Variants in MAN2A1 observed in about 807,000 individuals in gnomAD.
The protein encoded by MAN2A1 is mannosidase alpha class 2A member 1, also known as alpha-mannosidase 2.
A neutral mutation model predicts 142.6 loss-of-function variants in MAN2A1; 76 were observed. The observed-to-expected ratio is 0.53, with a 90% CI of 0.44 to 0.65. The LOEUF (loss-of-function observed/expected upper bound fraction) is 0.65, where lower values mean the gene tolerates loss of function less well. Among genes scored for constraint, MAN2A1 ranks in the 30% least tolerant of loss-of-function variants. MAN2A1 has a pLI of 0.00. For missense variants in MAN2A1, 1,311 were observed against 1,365.1 expected, an observed-to-expected ratio of 0.96 and a Z score of 0.62; for synonymous variants, 559 against 473.2, an observed-to-expected ratio of 1.18 and a Z score of -2.35.
At chr5:109,771,161 A>C (rs12656720) in intron 7 of MAN2A1, among the ~76,000 whole-genome samples, 26,658 of 152,128 alleles carry the variant, frequency 0.18, 3,281 homozygotes, top group East Asian at 0.64. Flanking sequence ...CATTAAACCA[A>C]CTTACATGTA....
Position 109,817,420 on chromosome 5 carries a change from T to A in MAN2A1, c.2091T>A (p.Ile697=). The A allele has an allele frequency of 6.2e-7, 1 of 1,614,014 alleles. No homozygotes were observed. Among genetic ancestry groups the A allele is most frequent in the Non-Finnish European group, 8.5e-7 (1 of 1,179,970 alleles). Residue 697 remains isoleucine, a synonymous_variant, in exon 13 of 22, where the codon ATT becomes ATA. Transcript: ENST00000261483. ...VSAVWDTANT[I]SETAYEISFR... The stretch of plus-strand genomic sequence containing the variant: ...CAGTTTGGGATACAGCAAATACTAT[T>A]TCAGAAACAGCCTATGAGGTATGTT...
At chr5:109,858,086 G>A (rs1205692180) in intron 20 of MAN2A1, among the ~76,000 whole-genome samples, 1 of 152,328 alleles carries the variant, frequency 6.6e-6, no homozygotes, top group East Asian at 1.9e-4. Flanking sequence ...GGAATAGAGA[G>A]CAACTTAACA....
At chr5:109,790,888 C>T (rs1364827473) in intron 12 of MAN2A1, among the ~76,000 whole-genome samples, 1 of 151,970 alleles carries the variant, frequency 6.6e-6, no homozygotes, top group Non-Finnish European at 1.5e-5. Flanking sequence ...CATAATAGGT[C>T]AGAAGAAAAG....
Position 109,820,323 on chromosome 5 carries a change from T to C in MAN2A1, c.2432T>C (p.Leu811Ser), listed in dbSNP as rs1454233379. 1.9e-6 allele frequency: 3 copies of C among 1,612,924 alleles called. No individual in the cohort carries two copies. In the African/African-American group the frequency reaches 4.0e-5, roughly 22 times the overall value. Reference sequence around the variant, plus strand: ...GACAAAAGTGGTGCCTACCTCTTCTTACCTGATGGTAATGCCAAGGTAAGT... The same window carrying C: ...GACAAAAGTGGTGCCTACCTCTTCTCACCTGATGGTAATGCCAAGGTAAGT... ...KRDKSGAYLF[L>S]PDGNAKPYVY... Residue 811 changes from leucine (L) to serine (S), a missense_variant, in exon 15 of 22, where the codon TTA (leucine) becomes TCA (serine). Leu to Ser is a moderately radical substitution (Grantham distance 145). Coordinates refer to ENST00000261483, the MANE Select transcript of MAN2A1 (RefSeq NM_002372.4).
intron 4 of MAN2A1, among the ~76,000 whole-genome samples, chr5:109,731,650 T>C (rs1346765607): frequency 6.6e-6 from 1 of 151,782 alleles, no homozygotes; most frequent in Non-Finnish European, 1.5e-5. Flanking sequence ...CTGAGAATGA[T>C]GGTTTCCAGC....
At chr5:109,865,914 A>C (rs1233797808) in intron 21 of MAN2A1, among the ~76,000 whole-genome samples, 1 of 152,230 alleles carries the variant, frequency 6.6e-6, no homozygotes, top group Admixed American at 6.5e-5. Flanking sequence ...GTACACAGGC[A>C]GGTCTGCCTC....
chr5:109,773,400 A>G (rs1486895812), intron 7 of MAN2A1, among the ~76,000 whole-genome samples: 1 of 152,092 alleles, frequency 6.6e-6, no homozygotes, highest in Admixed American at 6.6e-5. Flanking sequence ...TGCCTAGGAA[A>G]TCTAGTTGGA....
intron 5 of MAN2A1, among the ~76,000 whole-genome samples, chr5:109,759,044 T>G (rs919851831): frequency 2.6e-5 from 4 of 152,114 alleles, no homozygotes; most frequent in Admixed American, 6.6e-5. Flanking sequence ...GTTCTTTTTT[T>G]AAACTTGTTT....
At chr5:109,857,777 T>G (rs892190750) in intron 20 of MAN2A1, among the ~76,000 whole-genome samples, 4 of 152,204 alleles carry the variant, frequency 2.6e-5, no homozygotes, top group Non-Finnish European at 5.9e-5. Flanking sequence ...GTTCAGACAC[T>G]GAGCATTCAG....
intron 12 of MAN2A1, among the ~76,000 whole-genome samples, chr5:109,789,928 A>G (rs17162244): frequency 0.084 from 12,785 of 151,806 alleles, 640 homozygotes; most frequent in African/African-American, 0.15. Context: ...TGGAAGATCA[A>G]GGTTTCTACT....
chr5:109,861,011 T>A (rs369440310), intron 20 of MAN2A1, among the ~76,000 whole-genome samples: 1 of 152,166 alleles, frequency 6.6e-6, no homozygotes, highest in Non-Finnish European at 1.5e-5. Flanking sequence ...GAGCACAAAT[T>A]CATAGCTAGT....
intron 20 of MAN2A1, among the ~76,000 whole-genome samples, chr5:109,856,175 T>C (rs1308324821): frequency 2.0e-5 from 3 of 152,166 alleles, no homozygotes; most frequent in Admixed American, 1.3e-4. Flanking sequence ...AGAAAAAATA[T>C]AATTTTTTTT....
chr5:109,713,611 T>A lies in MAN2A1; in HGVS notation c.227T>A (p.Val76Asp). ...ATCATCTCAAATATTAGAGACTCAG[T>A]CATCAATTTGAGTGAGTCTGTGGAG... ...NEIISNIRDS[V>D]INLSESVEDG... The change falls in exon 2 of 22, where the codon GTC becomes GAC. Residue 76 changes from valine (V) to aspartate (D), a missense_variant. This residue lies in a region of MAN2A1 where 409 missense variants were observed against 412.7 expected (regional missense o/e 0.99). Transcript: ENST00000261483. The A allele has an allele frequency of 6.2e-7, 1 of 1,614,174 alleles. No homozygotes were observed. The highest frequency in any genetic ancestry group is 8.5e-7 in the Non-Finnish European group (1 of 1,180,010).
chr5:109,859,015 T>G (rs974523600), intron 20 of MAN2A1, among the ~76,000 whole-genome samples: 5 of 152,236 alleles, frequency 3.3e-5, no homozygotes, highest in Non-Finnish European at 7.3e-5. Context: ...TTTCCAGATC[T>G]CTGAGATTCT....
chr5:109,704,382 T>C (rs1751071578), intron 1 of MAN2A1, among the ~76,000 whole-genome samples: 2 of 152,228 alleles, frequency 1.3e-5, no homozygotes, highest in Non-Finnish European at 2.9e-5. Context: ...ATTTATTTCT[T>C]TGAATGGACA....
At chr5:109,839,102 C>A (rs919673369) in intron 16 of MAN2A1, among the ~76,000 whole-genome samples, 5 of 152,214 alleles carry the variant, frequency 3.3e-5, no homozygotes, top group African/African-American at 9.6e-5. Flanking sequence ...CCAATGAATT[C>A]TTTTAGTGAA....
chr5:109,865,116 A>G lies in MAN2A1; in HGVS notation c.3252A>G (p.Thr1084=), dbSNP rs1396071073. 4 of 1,614,030 alleles carry G rather than the reference A, an allele frequency of 2.5e-6. 1 individual carries two copies. The East Asian group carries it at 6.7e-5, about 27-fold the overall frequency. ...GFDCRFSSKG[T]GLFCSTTQGK... ...ATTGTCGGTTCTCTAGCAAAGGCAC[A>G]GGGCTGTTTTGTTCTACTACTCAGG... is the stretch of plus-strand genomic sequence containing the variant. The change falls in exon 21 of 22, where the codon ACA becomes ACG. Residue 1084 remains threonine (T), a synonymous_variant. Coordinates refer to ENST00000261483, the MANE Select transcript of MAN2A1 (RefSeq NM_002372.4).
intron 3 of MAN2A1, among the ~76,000 whole-genome samples, chr5:109,725,987 A>T (rs934496585): frequency 6.6e-6 from 1 of 152,160 alleles, no homozygotes; most frequent in African/African-American, 2.4e-5. Context: ...TCTTTGTTTT[A>T]AATATTTCCC....
chr5:109,779,986 C>T (rs562923104), intron 8 of MAN2A1, among the ~76,000 whole-genome samples: 4 of 152,040 alleles, frequency 2.6e-5, no homozygotes, highest in East Asian at 1.9e-4. Context: ...ATGTTCCAGT[C>T]GCAATTTTGT....
Sources: allele counts gnomAD v4.1 joint callset (sites outside exome capture counted in the v4.1 genomes callset), GRCh38; gene constraint gnomAD v4.1.1; regional missense constraint gnomAD v4.1.1; transcripts MANE v1.5; gene names NCBI Gene and HGNC (gene_info 2026-07-23, HGNC 2026-07-21).